Variants in RBFOX1 observed in about 807,000 individuals in gnomAD.
RBFOX1 encodes RNA binding protein fox-1 homolog 1.
RBFOX1 carries 8 observed loss-of-function variants against 57.7 expected under a neutral mutation model. The observed-to-expected ratio is 0.14, with a 90% CI of 0.08 to 0.25. RBFOX1 has a LOEUF of 0.25. Among genes scored for constraint, RBFOX1 ranks in the 10% least tolerant of loss-of-function variants. The pLI is 1.00. For missense variants in RBFOX1, 611 were observed against 548.5 expected (o/e 1.11, Z -1.14); for synonymous variants, 326 against 222.4 (o/e 1.47, Z -4.15).
At chr16:5,536,459 C>T (rs762752558) in intron 2 of RBFOX1, among the ~76,000 whole-genome samples, 1 of 152,020 alleles carries the variant, frequency 6.6e-6, no homozygotes, top group Non-Finnish European at 1.5e-5. Flanking sequence ...TGATCTTGAA[C>T]TCCTGACCTC....
intron 4 of RBFOX1, among the ~76,000 whole-genome samples, chr16:7,473,642 T>C (rs1006910997): frequency 2.0e-5 from 3 of 151,914 alleles, no homozygotes; most frequent in African/African-American, 7.3e-5. Context: ...TAATATCTTG[T>C]TGTGCTTTAT....
intron 3 of RBFOX1, among the ~76,000 whole-genome samples, chr16:5,862,764 A>G (rs1167954571): frequency 1.3e-5 from 2 of 152,094 alleles, no homozygotes; most frequent in African/African-American, 4.8e-5. Flanking sequence ...TTTTTGTGTC[A>G]TGTTTCCGAA....
At chr16:5,938,099 C>T (rs1160431754) in intron 4 of RBFOX1, among the ~76,000 whole-genome samples, 2 of 152,082 alleles carry the variant, frequency 1.3e-5, no homozygotes, top group African/African-American at 4.8e-5. Flanking sequence ...CACCTCTGTA[C>T]CCTTTTCATT....
At chr16:6,944,231 C>T (rs2079058875) in intron 3 of RBFOX1, among the ~76,000 whole-genome samples, 1 of 151,806 alleles carries the variant, frequency 6.6e-6, no homozygotes, top group Non-Finnish European at 1.5e-5. Flanking sequence ...CCTTTCTCTA[C>T]TAAAAATACA....
intron 3 of RBFOX1, among the ~76,000 whole-genome samples, chr16:6,788,297 T>C (rs1422089588): frequency 6.6e-6 from 1 of 151,998 alleles, no homozygotes; most frequent in Non-Finnish European, 1.5e-5. Context: ...GATGTCCCTT[T>C]TCCAAAATTC....
At chr16:6,768,817 C>T (rs896631255) in intron 3 of RBFOX1, among the ~76,000 whole-genome samples, 7 of 150,818 alleles carry the variant, frequency 4.6e-5, no homozygotes, top group Admixed American at 2.0e-4. Context: ...CAACCTCTGT[C>T]TGCAGGTTTC....
chr16:6,216,601 C>T (rs1317843421), intron 1 of RBFOX1, among the ~76,000 whole-genome samples: 2 of 152,176 alleles, frequency 1.3e-5, no homozygotes, highest in South Asian at 4.1e-4. Context: ...ATCCAACAAA[C>T]TCAAATGGTA....
chr16:5,757,801 T>G (rs907586920), intron 3 of RBFOX1, among the ~76,000 whole-genome samples: 4 of 152,204 alleles, frequency 2.6e-5, no homozygotes. Context: ...AGGAGCAGAT[T>G]CTTCAGCTTG....
intron 1 of RBFOX1, among the ~76,000 whole-genome samples, chr16:6,144,842 CTG>C (rs952118546): frequency 6.6e-6 from 1 of 152,296 alleles, no homozygotes; most frequent in Middle Eastern, 3.4e-3. Flanking sequence ...TTGGAACAAA[CTG>C]TGAATCATCC....
chr16:5,968,565 C>A (rs1247106182), intron 4 of RBFOX1, among the ~76,000 whole-genome samples: 1 of 152,094 alleles, frequency 6.6e-6, no homozygotes, highest in Non-Finnish European at 1.5e-5. Flanking sequence ...TGTCAAGCTA[C>A]CTGAAAATAA....
At chr16:7,396,342 A>G (rs8052229) in intron 4 of RBFOX1, among the ~76,000 whole-genome samples, 37,397 of 152,028 alleles carry the variant, frequency 0.25, 5,096 homozygotes, top group African/African-American at 0.37. Context: ...TACCTCAGTT[A>G]CAAGCGGATT....
In RBFOX1 at chr16:5,699,649, T is replaced by TAGACATTTTTGGTTGTCAGCTCTGGGG. The variant is rs1567413882; in HGVS notation, c.318+100688_318+100689insAGACATTTTTGGTTGTCAGCTCTGGGG. Among the ~76,000 whole-genome samples, 5 of 151,936 alleles carry TAGACATTTTTGGTTGTCAGCTCTGGGG rather than the reference T, an allele frequency of 3.3e-5. No individual in the cohort carries two copies. The South Asian group carries it at 8.3e-4, about 25-fold the overall frequency. ...GACATTTTTGGTTGTCAGCTCTGGG[T>TAGACATTTTTGGTTGTCAGCTCTGGGG]TGGGGTGTGCTACTGGGATCTAGAG... On this transcript the variant is annotated intron_variant, in intron 3 of 19. Coordinates refer to the RBFOX1 transcript ENST00000641259.
At chr16:7,133,352 A>C (rs1405448368) in intron 4 of RBFOX1, among the ~76,000 whole-genome samples, 1 of 152,218 alleles carries the variant, frequency 6.6e-6, no homozygotes, top group African/African-American at 2.4e-5. Context: ...GTTTCTGTAA[A>C]TTAGAACATT....
intron 4 of RBFOX1, among the ~76,000 whole-genome samples, chr16:7,281,436 G>T (rs576747110): frequency 6.6e-6 from 1 of 152,088 alleles, no homozygotes; most frequent in African/African-American, 2.4e-5. Flanking sequence ...TTGTACTTTA[G>T]TCCTCTCTTC....
At chr16:5,667,511 G>C (rs1204030946) in intron 3 of RBFOX1, among the ~76,000 whole-genome samples, 2 of 152,226 alleles carry the variant, frequency 1.3e-5, no homozygotes, top group Non-Finnish European at 2.9e-5. Flanking sequence ...GGATTGATGT[G>C]AGTGAGCGAG....
At chr16:7,094,602 T>C (rs907440498) in intron 4 of RBFOX1, among the ~76,000 whole-genome samples, 1 of 151,102 alleles carries the variant, frequency 6.6e-6, no homozygotes, top group Non-Finnish European at 1.5e-5. Context: ...TTCCCTTGAC[T>C]TGGGGACTCC....
chr16:6,511,465 A>T (rs954612130), intron 2 of RBFOX1, among the ~76,000 whole-genome samples: 1 of 152,176 alleles, frequency 6.6e-6, no homozygotes, highest in South Asian at 2.1e-4. Flanking sequence ...ACATGGGAGA[A>T]TTTTAAAACA....
chr16:7,343,356 G>A (rs1024757901), intron 4 of RBFOX1, among the ~76,000 whole-genome samples: 1 of 152,104 alleles, frequency 6.6e-6, no homozygotes, highest in Non-Finnish European at 1.5e-5. Context: ...GGAGGAGCAT[G>A]GGACTCCAGA....
chr16:6,748,385 G>T (rs147214202), intron 3 of RBFOX1, among the ~76,000 whole-genome samples: 6 of 152,066 alleles, frequency 3.9e-5, no homozygotes, highest in African/African-American at 1.4e-4. Context: ...TTTGGGGTGG[G>T]CACTGTGGCT....
Sources: allele counts gnomAD v4.1 joint callset (sites outside exome capture counted in the v4.1 genomes callset), GRCh38; gene constraint gnomAD v4.1.1; transcripts MANE v1.5; gene names NCBI Gene and HGNC (gene_info 2026-07-23, HGNC 2026-07-21).